The following MAPKAP1 variants were observed in gnomAD, a reference collection of about 807,000 sequenced individuals.
MAPKAP1 encodes MAPK associated protein 1.
In MAPKAP1, 20 loss-of-function variants were observed where a neutral mutation model predicts 65.7. The observed-to-expected ratio is 0.30, with a 90% CI of 0.21 to 0.44. The LOEUF (loss-of-function observed/expected upper bound fraction) is 0.44, where lower values mean the gene tolerates loss of function less well. MAPKAP1 is among the 20% of genes least tolerant of loss of function. MAPKAP1 has a pLI of 1.00. For missense variants in MAPKAP1, 423 were observed against 648.0 expected, an observed-to-expected ratio of 0.65 and a Z score of 3.77; for synonymous variants, 222 against 244.3, an observed-to-expected ratio of 0.91 and a Z score of 0.85.
chr9:125,608,395 G>A (rs1349958504), intron 4 of MAPKAP1, among the ~76,000 whole-genome samples: 1 of 152,154 alleles, frequency 6.6e-6, no homozygotes, highest in African/African-American at 2.4e-5. Flanking sequence ...GACAGTGGAT[G>A]CTCTGAATCC....
At chr9:125,647,596 C>A (rs763281396) in intron 4 of MAPKAP1, among the ~76,000 whole-genome samples, 5 of 152,220 alleles carry the variant, frequency 3.3e-5, no homozygotes, top group Admixed American at 6.5e-5. Context: ...CACCTAATGT[C>A]ATGGACCACT....
chr9:125,645,192 C>T (rs1259162983), intron 4 of MAPKAP1, among the ~76,000 whole-genome samples: 1 of 152,130 alleles, frequency 6.6e-6, no homozygotes, highest in Non-Finnish European at 1.5e-5. Flanking sequence ...TCTGCCCAGG[C>T]AGAGAGAAAT....
At chr9:125,689,925 A>T (rs897539343) in intron 1 of MAPKAP1, among the ~76,000 whole-genome samples, 2 of 151,762 alleles carry the variant, frequency 1.3e-5, no homozygotes, top group African/African-American at 4.8e-5. Flanking sequence ...CATCTCTACT[A>T]AAAAAATACA....
chr9:125,702,745 A>G (rs921773913), intron 1 of MAPKAP1, among the ~76,000 whole-genome samples: 1 of 151,778 alleles, frequency 6.6e-6, no homozygotes, highest in Non-Finnish European at 1.5e-5. Flanking sequence ...CCAGCTACTC[A>G]GGAGGCTGAG....
chr9:125,699,708 C>T (rs1240494495), intron 1 of MAPKAP1, among the ~76,000 whole-genome samples: 1 of 151,392 alleles, frequency 6.6e-6, no homozygotes, highest in Non-Finnish European at 1.5e-5. Context: ...TCATGGCTCA[C>T]AGCAGCCTCA....
chr9:125,589,160 G>C (rs1464592074), intron 4 of MAPKAP1, among the ~76,000 whole-genome samples: 1 of 152,114 alleles, frequency 6.6e-6, no homozygotes, highest in Non-Finnish European at 1.5e-5. Flanking sequence ...ACCCTTATGA[G>C]AATTATTATT....
chr9:125,472,296 C>T (rs1853952177), intron 9 of MAPKAP1, among the ~76,000 whole-genome samples: 1 of 152,206 alleles, frequency 6.6e-6, no homozygotes, highest in Admixed American at 6.5e-5. Context: ...GTTCTTTCTG[C>T]TGCTCTGCAC....
chr9:125,546,991 A>T (rs1049569919), intron 6 of MAPKAP1, among the ~76,000 whole-genome samples: 1 of 152,138 alleles, frequency 6.6e-6, no homozygotes, highest in East Asian at 1.9e-4. Flanking sequence ...TGCTGGGTCT[A>T]GGGTGAAACT....
At chr9:125,660,503 A>T (rs1369159644) in intron 3 of MAPKAP1, among the ~76,000 whole-genome samples, 1 of 152,204 alleles carries the variant, frequency 6.6e-6, no homozygotes, top group African/African-American at 2.4e-5. Flanking sequence ...CTCAATGGTT[A>T]TTTCTAACCC....
intron 7 of MAPKAP1, among the ~76,000 whole-genome samples, chr9:125,538,062 C>A (rs1254172894): frequency 6.6e-6 from 1 of 152,294 alleles, no homozygotes; most frequent in South Asian, 2.1e-4. Flanking sequence ...TCTTTGTGTT[C>A]ATACTCTCTG....
chr9:125,521,831 A>T, intron 7 of MAPKAP1: 1 of 1,523,758 alleles, frequency 6.6e-7, no homozygotes, highest in Non-Finnish European at 9.0e-7. Flanking sequence ...TCTGAGCTAC[A>T]TGAAAGTGGT....
chr9:125,445,983 C>T (rs57956606), intron 10 of MAPKAP1, among the ~76,000 whole-genome samples: 3,054 of 152,272 alleles, frequency 0.02, 118 homozygotes, highest in African/African-American at 0.07. Flanking sequence ...CCTAGTCTTT[C>T]GACAGACCTT....
chr9:125,525,098 A>C (rs1747665878), intron 7 of MAPKAP1, among the ~76,000 whole-genome samples: 1 of 152,148 alleles, frequency 6.6e-6, no homozygotes, highest in African/African-American at 2.4e-5. Flanking sequence ...GTCTCTTTTG[A>C]ACTATAACTC....
At chr9:125,575,214 T>C (rs1157410732) in intron 5 of MAPKAP1, among the ~76,000 whole-genome samples, 1 of 152,050 alleles carries the variant, frequency 6.6e-6, no homozygotes, top group Non-Finnish European at 1.5e-5. Flanking sequence ...TTTTAAAAAT[T>C]AGCCAAGTGT....
intron 3 of MAPKAP1, 110 bp from the exon 4 acceptor site, chr9:125,657,909 G>C: frequency 3.9e-6 from 4 of 1,034,882 alleles, no homozygotes; most frequent in Non-Finnish European, 5.7e-6. Context: ...CCAGAGACAT[G>C]TTCAGGTCGG....
intron 6 of MAPKAP1, among the ~76,000 whole-genome samples, chr9:125,545,299 C>T (rs927849863): frequency 2.7e-4 from 41 of 152,204 alleles, no homozygotes; most frequent in African/African-American, 9.7e-4. Context: ...AGTACTGAAA[C>T]GTAAAGTGCC....
At chr9:125,613,407 T>C (rs1832658541) in intron 4 of MAPKAP1, among the ~76,000 whole-genome samples, 1 of 152,176 alleles carries the variant, frequency 6.6e-6, no homozygotes, top group African/African-American at 2.4e-5. Context: ...AGACTGCACC[T>C]CCTTCTCACG....
At chr9:125,501,535 T>G (rs1450624383) in intron 8 of MAPKAP1, among the ~76,000 whole-genome samples, 1 of 152,214 alleles carries the variant, frequency 6.6e-6, no homozygotes. Flanking sequence ...TAAAACAAAT[T>G]GGAGGTTATA....
intron 1 of MAPKAP1, among the ~76,000 whole-genome samples, chr9:125,705,005 A>G (rs1356615725): frequency 2.0e-5 from 3 of 152,178 alleles, no homozygotes; most frequent in African/African-American, 4.8e-5. Context: ...TCCAGAGTCC[A>G]TGCCTATTTT....
Sources: gnomAD v4.1 joint callset for allele counts (sites outside exome capture counted in the v4.1 genomes callset) on GRCh38, gnomAD v4.1.1 for gene constraint, MANE v1.5 for transcripts, NCBI Gene and HGNC (gene_info 2026-07-23, HGNC 2026-07-21) for gene names.